The following BANF2 variants were observed in gnomAD, a reference collection of about 807,000 sequenced individuals.
The protein encoded by BANF2 is BANF family member 2.
BANF2 carries 4 observed loss-of-function variants against 8.0 expected under a neutral mutation model. That is an observed-to-expected ratio of 0.50 (90% CI 0.25 to 1.14). The LOEUF is 1.14. Among genes scored for constraint, BANF2 ranks in the 50% most tolerant of loss-of-function variants. The pLI is 0.16. For missense variants in BANF2, 96 were observed against 107.5 expected (o/e 0.89, Z 0.47); for synonymous variants, 50 against 40.6 (o/e 1.23, Z -0.88).
At chr20:17,734,145 G>A (rs990074056) in intron 3 of BANF2, among the ~76,000 whole-genome samples, 6 of 152,182 alleles carry the variant, frequency 3.9e-5, no homozygotes, top group African/African-American at 1.4e-4. Context: ...TGGTCCTTGT[G>A]CCTTGTCAAT....
chr20:17,723,319 A>C (rs1363883187), intron 2 of BANF2, among the ~76,000 whole-genome samples: 1 of 152,194 alleles, frequency 6.6e-6, no homozygotes, highest in African/African-American at 2.4e-5. Context: ...AGGAAAAGAT[A>C]GCTTTGTGTT....
intron 1 of BANF2, among the ~76,000 whole-genome samples, chr20:17,701,833 C>A (rs898946903): frequency 6.6e-6 from 1 of 152,196 alleles, no homozygotes; most frequent in African/African-American, 2.4e-5. Context: ...GCAGAGTTAA[C>A]CTGTGTTGAC....
At chr20:17,727,973 C>T (rs1013325314) in intron 3 of BANF2, among the ~76,000 whole-genome samples, 4 of 152,144 alleles carry the variant, frequency 2.6e-5, no homozygotes, top group African/African-American at 9.7e-5. Flanking sequence ...CTCCTGGGCT[C>T]AAGTGATCCT....
chr20:17,724,181 G>T (rs949806106), intron 2 of BANF2, among the ~76,000 whole-genome samples: 6 of 152,236 alleles, frequency 3.9e-5, no homozygotes, highest in Admixed American at 2.0e-4. Context: ...ACTCCTGGGA[G>T]ATGGTGGTCC....
At chr20:17,727,204 C>T (rs1034781296) in intron 3 of BANF2, among the ~76,000 whole-genome samples, 2 of 152,144 alleles carry the variant, frequency 1.3e-5, no homozygotes, top group African/African-American at 2.4e-5. Flanking sequence ...CAGCCGGGTC[C>T]CTGGAGATGT....
intron 1 of BANF2, among the ~76,000 whole-genome samples, chr20:17,709,220 C>T (rs1015712507): frequency 5.3e-5 from 8 of 152,104 alleles, no homozygotes; most frequent in Admixed American, 6.6e-5. Flanking sequence ...CACTTAGAGC[C>T]GATTTCTGAA....
chr20:17,705,867 C>A (rs1338534790), intron 1 of BANF2, among the ~76,000 whole-genome samples: 2 of 152,202 alleles, frequency 1.3e-5, no homozygotes, highest in Admixed American at 1.3e-4. Flanking sequence ...TGGTTGTGTT[C>A]CTGCTGTCTG....
At chr20:17,728,635 G>T (rs2037846570) in intron 3 of BANF2, among the ~76,000 whole-genome samples, 1 of 152,034 alleles carries the variant, frequency 6.6e-6, no homozygotes, top group Admixed American at 6.5e-5. Flanking sequence ...TTGGCTTTTG[G>T]CATGCACTGG....
chr20:17,730,610 G>A (rs1386498165), intron 3 of BANF2, among the ~76,000 whole-genome samples: 1 of 152,178 alleles, frequency 6.6e-6, no homozygotes, highest in Non-Finnish European at 1.5e-5. Context: ...CCATGCTCAG[G>A]GGCGTCCCAT....
At chr20:17,710,157 C>T (rs1423132191) in intron 1 of BANF2, among the ~76,000 whole-genome samples, 1 of 152,244 alleles carries the variant, frequency 6.6e-6, no homozygotes, top group Non-Finnish European at 1.5e-5. Flanking sequence ...CCGAGGGCTG[C>T]TCCCAAGGTG....
chr20:17,718,665 C>T (rs6080797), intron 1 of BANF2, among the ~76,000 whole-genome samples: 20,605 of 152,140 alleles, frequency 0.14, 1,485 homozygotes, highest in Middle Eastern at 0.29. Context: ...TATTTGTGAT[C>T]ACCTCCTTAT....
chr20:17,729,905 A>C (rs1462997018), intron 3 of BANF2, among the ~76,000 whole-genome samples: 1 of 152,214 alleles, frequency 6.6e-6, no homozygotes, highest in East Asian at 1.9e-4. Context: ...ACCTATGGGT[A>C]GGTGAATTTT....
At chr20:17,694,599 CTCTTTTTTTTTTTTTTTTTTT>C (rs1230126410) in intron 1 of BANF2, among the ~76,000 whole-genome samples, 4 of 82,786 alleles carry the variant, frequency 4.8e-5, no homozygotes, top group Non-Finnish European at 6.5e-5. Context: ...TTTTTTCTCT[CTCTTTTTTTTTTTTTTTTTTT>C]TTTTTTTTTT....
At position 17,722,880 on chromosome 20, in the gene BANF2, T is replaced by C. The variant is rs2037752666; in HGVS notation, c.-4+2T>C. Reference sequence around the variant, plus strand: ...CGAGGAGCTCGACTCTGTAGAAAGGTCTGGAGGAGGATGGGGACAGGAGAG... The same window carrying C: ...CGAGGAGCTCGACTCTGTAGAAAGGCCTGGAGGAGGATGGGGACAGGAGAG... On this transcript the variant is annotated splice_donor_variant, in intron 2 of 3. Coordinates refer to ENST00000246090, the MANE Select transcript of BANF2 (RefSeq NM_178477.5). LOFTEE classifies it low-confidence loss of function (5UTR_SPLICE). 1.0e-6 allele frequency: 1 copy of C among 984,738 alleles called. No homozygotes were observed. The highest frequency in any genetic ancestry group is 6.2e-5 in the Admixed American group (1 of 16,242). 61.0% of individuals were successfully genotyped at this position (984,738 alleles called of 1,614,324 possible).
intron 1 of BANF2, among the ~76,000 whole-genome samples, chr20:17,705,318 G>A (rs1369411584): frequency 6.6e-6 from 1 of 152,212 alleles, no homozygotes; most frequent in Non-Finnish European, 1.5e-5. Flanking sequence ...AACAGGTGTT[G>A]AAGTCCTTGT....
chr20:17,726,782 G>A (rs1250245122), intron 3 of BANF2, among the ~76,000 whole-genome samples: 1 of 152,190 alleles, frequency 6.6e-6, no homozygotes, highest in Non-Finnish European at 1.5e-5. Flanking sequence ...GGGTTTTGTG[G>A]TTGTTGTTCA....
At chr20:17,712,497 C>T in intron 1 of BANF2, 1 of 981,168 alleles carries the variant, frequency 1.0e-6, no homozygotes, top group Non-Finnish European at 1.2e-6. Flanking sequence ...TGACTCTACC[C>T]ACTGGAATCT....
At chr20:17,722,194 C>T (rs576060812) in intron 1 of BANF2, among the ~76,000 whole-genome samples, 30 of 152,324 alleles carry the variant, frequency 2.0e-4, no homozygotes, top group African/African-American at 6.7e-4. Context: ...ATGTCCACAC[C>T]CCAGAGATGT....
At chr20:17,706,277 A>G (rs1483981963) in intron 1 of BANF2, among the ~76,000 whole-genome samples, 1 of 152,182 alleles carries the variant, frequency 6.6e-6, no homozygotes, top group Non-Finnish European at 1.5e-5. Flanking sequence ...TTATAGCAAC[A>G]TTACCTTTGA....
Sources: allele counts gnomAD v4.1 joint callset (sites outside exome capture counted in the v4.1 genomes callset), GRCh38; gene constraint gnomAD v4.1.1; transcripts MANE v1.5; gene names NCBI Gene and HGNC (gene_info 2026-07-23, HGNC 2026-07-21).